CRPPA: variants seen among roughly 807,000 people sequenced by gnomAD.
CRPPA encodes the protein CDP-L-ribitol pyrophosphorylase A.
A neutral mutation model predicts 52.0 loss-of-function variants in CRPPA; 43 were observed. The ratio of observed to expected loss-of-function variants is 0.83; its 90% CI spans 0.65 to 1.07. The LOEUF is 1.07. CRPPA is among the 50% of genes least tolerant of loss of function. The pLI is 0.00. For missense variants in CRPPA, 629 were observed against 551.7 expected, an observed-to-expected ratio of 1.14 and a Z score of -1.40; for synonymous variants, 250 against 203.5, an observed-to-expected ratio of 1.23 and a Z score of -1.94.
intron 9 of CRPPA, among the ~76,000 whole-genome samples, chr7:16,164,127 C>T (rs988526636): frequency 1.3e-5 from 2 of 152,194 alleles, no homozygotes; most frequent in African/African-American, 4.8e-5. Context: ...CCATTCTCCC[C>T]ATCACTTTCA....
At chr7:16,131,646 A>C (rs547027992) in intron 9 of CRPPA, among the ~76,000 whole-genome samples, 2 of 152,188 alleles carry the variant, frequency 1.3e-5, no homozygotes, top group Admixed American at 6.5e-5. Flanking sequence ...GCAGTAGCAC[A>C]ATCTTGGCTC....
At chr7:16,318,101 C>T (rs1426690084) in intron 3 of CRPPA, among the ~76,000 whole-genome samples, 1 of 152,122 alleles carries the variant, frequency 6.6e-6, no homozygotes, top group Non-Finnish European at 1.5e-5. Context: ...TTTCTCCTAA[C>T]CTAGCCCTTT....
chr7:16,147,838 T>C (rs766763416), intron 9 of CRPPA, among the ~76,000 whole-genome samples: 1 of 152,206 alleles, frequency 6.6e-6, no homozygotes, highest in South Asian at 2.1e-4. Context: ...TTCATCCATA[T>C]TTTATAAATA....
chr7:16,250,667 C>A (rs1783423462), intron 8 of CRPPA, among the ~76,000 whole-genome samples: 1 of 152,144 alleles, frequency 6.6e-6, no homozygotes, highest in Non-Finnish European at 1.5e-5. Context: ...TACAGGCAAG[C>A]AAATGCTGAG....
At chr7:16,173,875 A>G (rs1351883801) in intron 9 of CRPPA, among the ~76,000 whole-genome samples, 2 of 152,184 alleles carry the variant, frequency 1.3e-5, no homozygotes, top group Non-Finnish European at 2.9e-5. Context: ...TAAAAATGTA[A>G]ACTGTATTTG....
intron 8 of CRPPA, among the ~76,000 whole-genome samples, chr7:16,247,357 A>G (rs1562583057): frequency 6.6e-6 from 1 of 152,156 alleles, no homozygotes; most frequent in Non-Finnish European, 1.5e-5. Context: ...TAGGGTTATT[A>G]ATTGGCCTGA....
At chr7:16,304,120 G>A (rs890814455) in intron 4 of CRPPA, among the ~76,000 whole-genome samples, 1 of 152,100 alleles carries the variant, frequency 6.6e-6, no homozygotes, top group Non-Finnish European at 1.5e-5. Context: ...CTAAATTAAA[G>A]GGACTCAAGT....
chr7:16,337,961 C>T (rs1036850581), intron 3 of CRPPA, among the ~76,000 whole-genome samples: 1 of 152,130 alleles, frequency 6.6e-6, no homozygotes, highest in East Asian at 1.9e-4. Flanking sequence ...ACTCCGCCCA[C>T]CCCAAACAGA....
At chr7:16,305,270 C>T (rs17169411) in intron 4 of CRPPA, among the ~76,000 whole-genome samples, 104,270 of 151,982 alleles carry the variant, frequency 0.69, 36,137 homozygotes, top group Middle Eastern at 0.74. Flanking sequence ...TGCATTCTAG[C>T]ATCACCTCAG....
intron 3 of CRPPA, among the ~76,000 whole-genome samples, chr7:16,322,661 T>A (rs540535191): frequency 1.3e-5 from 2 of 152,264 alleles, no homozygotes; most frequent in East Asian, 3.9e-4. Flanking sequence ...GATTTCAAAA[T>A]TTCTACAGAC....
intron 8 of CRPPA, among the ~76,000 whole-genome samples, chr7:16,243,334 GTC>G (rs1783179493): frequency 6.6e-6 from 1 of 152,172 alleles, no homozygotes; most frequent in Non-Finnish European, 1.5e-5. Flanking sequence ...AGGTTGTCCT[GTC>G]TAGAGTAGTA....
At chr7:16,336,135 AG>A (rs913032012) in intron 3 of CRPPA, among the ~76,000 whole-genome samples, 1 of 152,202 alleles carries the variant, frequency 6.6e-6, no homozygotes, top group Non-Finnish European at 1.5e-5. Flanking sequence ...AGTTGGAAAA[AG>A]GCTATGAATT....
chr7:16,140,869 C>T (rs1782856022), intron 9 of CRPPA, among the ~76,000 whole-genome samples: 1 of 152,174 alleles, frequency 6.6e-6, no homozygotes, highest in African/African-American at 2.4e-5. Flanking sequence ...GTTTATCGAA[C>T]TCTTTTTTGA....
chr7:16,092,797 A>C (rs1781862256), intron 9 of CRPPA, among the ~76,000 whole-genome samples: 1 of 152,186 alleles, frequency 6.6e-6, no homozygotes, highest in Non-Finnish European at 1.5e-5. Flanking sequence ...CCTGGTAATA[A>C]AATGTCTCTT....
At chr7:16,224,740 C>T (rs1163241063) in intron 8 of CRPPA, among the ~76,000 whole-genome samples, 1 of 152,054 alleles carries the variant, frequency 6.6e-6, no homozygotes, top group African/African-American at 2.4e-5. Flanking sequence ...CCAGCCGATA[C>T]TAAACAGGTC....
intron 3 of CRPPA, among the ~76,000 whole-genome samples, chr7:16,371,679 C>A (rs911851123): frequency 1.3e-5 from 2 of 151,618 alleles, no homozygotes; most frequent in South Asian, 4.1e-4. Flanking sequence ...AAAGAACACA[C>A]TAGATCCCAA....
chr7:16,306,844 G>A (rs1784923630), intron 4 of CRPPA, among the ~76,000 whole-genome samples: 2 of 152,270 alleles, frequency 1.3e-5, no homozygotes, highest in South Asian at 2.1e-4. Context: ...AGTTAACCCA[G>A]CAGAGGCAGA....
At position 16,209,273 on chromosome 7, in the gene CRPPA, C is replaced by CTTTTTTTTTTTT. The variant is rs34795937; in HGVS notation, c.1251+6781_1251+6792dup. The CTTTTTTTTTTTT allele has an allele frequency of 6.3e-4, 78 of 123,064 alleles. 10 individuals carry two copies. Among genetic ancestry groups the CTTTTTTTTTTTT allele is most frequent in the East Asian group, 2.5e-3 (12 of 4,754 alleles). 7.6% of individuals were successfully genotyped at this position (123,064 alleles called of 1,614,324 possible). On this transcript the variant is annotated intron_variant, in intron 9 of 9. Transcript: ENST00000407010. ...GGCCAAGTAATACGGTTCTAAGTGT[C>CTTTTTTTTTTTT]TTTTTTTTTTTTTTTTTGAGACGAG...
In CRPPA at chr7:16,286,093, A is replaced by ATATATATATATATAT. The variant is rs1554309913; in HGVS notation, c.836-7868_836-7867insATATATATATATATA. ...TATATATATATATAATATTTAAAAA[A>ATATATATATATATAT]AAAAATATATATATATATATATATG... On this transcript the variant is annotated intron_variant, in intron 5 of 9. Transcript: ENST00000407010. 1.4e-3 allele frequency among the ~76,000 whole-genome samples: 40 copies of ATATATATATATATAT among 27,716 alleles called. 3 individuals are homozygous for ATATATATATATATAT. The highest frequency in any genetic ancestry group is 1.9e-3 in the African/African-American group (6 of 3,164). 18.2% of individuals were successfully genotyped at this position (27,716 alleles called of 152,430 possible). A position where few individuals can be genotyped will look rare whatever the true frequency, so the allele number is the denominator to read the frequency against.
Sources: gnomAD v4.1 joint callset for allele counts (sites outside exome capture counted in the v4.1 genomes callset) on GRCh38, gnomAD v4.1.1 for gene constraint, MANE v1.5 for transcripts, NCBI Gene and HGNC (gene_info 2026-07-23, HGNC 2026-07-21) for gene names.